ADGRB3: variants seen among roughly 807,000 people sequenced by gnomAD.
ADGRB3 encodes the protein adhesion G protein-coupled receptor B3.
Under a neutral mutation model 193.4 loss-of-function variants are expected in ADGRB3, and 37 were observed. The ratio of observed to expected loss-of-function variants is 0.19; its 90% CI spans 0.15 to 0.25. The LOEUF (loss-of-function observed/expected upper bound fraction) is 0.25. ADGRB3 is among the 10% of genes least tolerant of loss of function. ADGRB3 has a pLI of 1.00. For synonymous variants in ADGRB3, 690 were observed against 644.2 expected (o/e 1.07, Z -1.08); for missense variants, 1,637 against 1,852.9 (o/e 0.88, Z 2.14).
chr6:69,067,795 C>G lies in ADGRB3; in HGVS notation c.2436+4759C>G, dbSNP rs1771950865. ...AATTGAGATAGAAATTGCTCTCTGG[C>G]TACATTTTTGGTTATAGCCTAAATT... On this transcript the variant is annotated intron_variant, in intron 16 of 31. Transcript: ENST00000370598. Among the ~76,000 whole-genome samples the G allele has an allele frequency of 1.3e-5, 2 of 152,120 alleles. 1 individual carries two copies. Among genetic ancestry groups the G allele is most frequent in the South Asian group, 4.1e-4 (2 of 4,828 alleles).
intron 3 of ADGRB3, among the ~76,000 whole-genome samples, chr6:68,772,894 A>AAATATATATATATAT (rs1466813173): frequency 4.4e-5 from 1 of 22,892 alleles, no homozygotes; most frequent in African/African-American, 2.0e-4. Flanking sequence ...AAAAAAAAAA[A>AAATATATATATATAT]ATATATATAT....
At chr6:68,643,171 AAC>A (rs1277665587) in intron 3 of ADGRB3, among the ~76,000 whole-genome samples, 1 of 152,160 alleles carries the variant, frequency 6.6e-6, no homozygotes, top group Non-Finnish European at 1.5e-5. Flanking sequence ...AGGAAATCTG[AAC>A]ACACACACTC....
At chr6:68,799,254 G>A (rs1265064296) in intron 3 of ADGRB3, among the ~76,000 whole-genome samples, 1 of 151,874 alleles carries the variant, frequency 6.6e-6, no homozygotes, top group East Asian at 1.9e-4. Context: ...AGGAAGGGAA[G>A]AAAAAGTTAT....
At chr6:68,835,048 C>G (rs1418430997) in intron 3 of ADGRB3, among the ~76,000 whole-genome samples, 1 of 151,836 alleles carries the variant, frequency 6.6e-6, no homozygotes, top group African/African-American at 2.4e-5. Context: ...TTGACATACA[C>G]TATTAGAGGA....
At chr6:68,971,697 G>A (rs539951051) in intron 8 of ADGRB3, among the ~76,000 whole-genome samples, 11 of 152,352 alleles carry the variant, frequency 7.2e-5, no homozygotes, top group Admixed American at 2.6e-4. Flanking sequence ...GAAGTAGAAG[G>A]CATGTGTCCA....
intron 3 of ADGRB3, among the ~76,000 whole-genome samples, chr6:68,909,155 G>C (rs564345891): frequency 6.6e-6 from 1 of 152,244 alleles, no homozygotes; most frequent in South Asian, 2.1e-4. Flanking sequence ...ATAACATCTT[G>C]TTATATGTGC....
intron 3 of ADGRB3, among the ~76,000 whole-genome samples, chr6:68,924,413 C>A (rs1033595857): frequency 6.6e-6 from 1 of 151,898 alleles, no homozygotes; most frequent in Non-Finnish European, 1.5e-5. Context: ...TTGAGGAGTT[C>A]CAAAAGAAAA....
At chr6:68,897,576 A>G (rs115409658) in intron 3 of ADGRB3, among the ~76,000 whole-genome samples, 17,117 of 50,184 alleles carry the variant, frequency 0.34, 3,994 homozygotes, top group Non-Finnish European at 0.39. Flanking sequence ...GAAACAAGAA[A>G]GAAGGAAGGG....
chr6:69,124,234 G>A (rs1773795523), intron 17 of ADGRB3, among the ~76,000 whole-genome samples: 1 of 151,786 alleles, frequency 6.6e-6, no homozygotes, highest in African/African-American at 2.4e-5. Context: ...TGATCTTTTT[G>A]TGTCCCATTG....
chr6:68,951,920 T>G (rs1748841803), intron 6 of ADGRB3, among the ~76,000 whole-genome samples: 1 of 152,136 alleles, frequency 6.6e-6, no homozygotes. Flanking sequence ...CTCACCACTT[T>G]AGCTCCCCAG....
rs562520810 is a variant in ADGRB3 at position 69,066,368 on chromosome 6, C to T, written c.2436+3332C>T. 4.7e-5 allele frequency among the ~76,000 whole-genome samples: 7 copies of T among 150,472 alleles called. No homozygotes were observed. In the South Asian group the frequency reaches 1.1e-3, roughly 23 times the overall value. On this transcript the variant is annotated intron_variant, in intron 16 of 31. Transcript: ENST00000370598. ...TTCAAAATTACATTTTATTAAAATG[C>T]CATGTGAAAAAAAAAAGGAAGAATG...
intron 3 of ADGRB3, among the ~76,000 whole-genome samples, chr6:68,918,666 G>C (rs1028059892): frequency 6.6e-6 from 1 of 152,050 alleles, no homozygotes; most frequent in Non-Finnish European, 1.5e-5. Flanking sequence ...TGAGGCAGGG[G>C]TTGCATACAT....
intron 3 of ADGRB3, among the ~76,000 whole-genome samples, chr6:68,670,090 T>A (rs1349285986): frequency 6.6e-6 from 1 of 152,116 alleles, no homozygotes; most frequent in African/African-American, 2.4e-5. Flanking sequence ...TCTATTCAAA[T>A]CTTTTGCCCA....
intron 3 of ADGRB3, among the ~76,000 whole-genome samples, chr6:68,714,080 C>A (rs987703436): frequency 7.9e-5 from 12 of 151,734 alleles, no homozygotes; most frequent in Admixed American, 7.9e-4. Context: ...AACATACAAT[C>A]CAAGCACTTT....
At chr6:68,834,140 A>T (rs1410772591) in intron 3 of ADGRB3, among the ~76,000 whole-genome samples, 1 of 152,086 alleles carries the variant, frequency 6.6e-6, no homozygotes, top group Non-Finnish European at 1.5e-5. Context: ...AACCTAGTCT[A>T]AATGGTAAAC....
At chr6:68,781,181 G>C (rs960923509) in intron 3 of ADGRB3, among the ~76,000 whole-genome samples, 1 of 152,070 alleles carries the variant, frequency 6.6e-6, no homozygotes, top group African/African-American at 2.4e-5. Context: ...TGTCTTCAGC[G>C]AAATCATAAT....
chr6:69,107,056 G>A (rs1773234840), intron 17 of ADGRB3, among the ~76,000 whole-genome samples: 1 of 151,976 alleles, frequency 6.6e-6, no homozygotes, highest in African/African-American at 2.4e-5. Flanking sequence ...ACTATTTTAT[G>A]TAAATGTATT....
At chr6:68,760,817 G>A (rs10945141) in intron 3 of ADGRB3, among the ~76,000 whole-genome samples, 41,319 of 151,984 alleles carry the variant, frequency 0.27, 6,074 homozygotes, top group East Asian at 0.65. Flanking sequence ...GCCCACCACA[G>A]GACACTATAA....
intron 17 of ADGRB3, among the ~76,000 whole-genome samples, chr6:69,130,528 CCTCA>C (rs1230430648): frequency 1.3e-5 from 2 of 148,686 alleles, no homozygotes; most frequent in East Asian, 4.0e-4. Flanking sequence ...TTTGGAAGCC[CCTCA>C]ACTGGGCTTC....
Sources: allele counts gnomAD v4.1 joint callset (sites outside exome capture counted in the v4.1 genomes callset), GRCh38; gene constraint gnomAD v4.1.1; transcripts MANE v1.5; gene names NCBI Gene and HGNC (gene_info 2026-07-23, HGNC 2026-07-21).